Variants in NUP210 observed in about 807,000 individuals in gnomAD.
The protein encoded by NUP210 is nuclear pore membrane glycoprotein 210.
A neutral mutation model predicts 196.0 loss-of-function variants in NUP210; 151 were observed. The ratio of observed to expected loss-of-function variants is 0.77; its 90% confidence interval spans 0.67 to 0.88. The LOEUF is 0.88. Among genes scored for constraint, NUP210 ranks in the 40% least tolerant of loss-of-function variants. The probability of loss-of-function intolerance (pLI) is 0.00; values close to 1 mark genes in which losing one functional copy is unlikely to be tolerated. For synonymous variants in NUP210, 1,070 were observed against 1,052.7 expected (o/e 1.02, Z -0.32); for missense variants, 2,314 against 2,493.7 (o/e 0.93, Z 1.53).
In NUP210 at chr3:13,317,571, G is replaced by A. The variant is rs1042425744; in HGVS notation, c.*110C>T. 3.7e-5 allele frequency: 30 copies of A among 806,216 alleles called. No individual in the cohort carries two copies. The highest frequency in any genetic ancestry group is 3.5e-4 in the South Asian group (24 of 67,824). The allele number at this position is 806,216 out of a possible 1,614,324, so 49.9% of individuals were successfully genotyped here. A position where few individuals can be genotyped will look rare whatever the true frequency, so the allele number is the denominator to read the frequency against. On this transcript the variant is annotated 3_prime_UTR_variant, in exon 40 of 40. Coordinates refer to ENST00000254508, the MANE Select transcript of NUP210 (RefSeq NM_024923.4). ...ACGGCAGTGAAGCTGGCCTGGGGCC[G>A]GGGCACTCATCTGGAGGGGCTTGTT...
At chr3:13,318,431 C>A (rs1559301231) in intron 39 of NUP210, among the ~76,000 whole-genome samples, 1 of 152,162 alleles carries the variant, frequency 6.6e-6, no homozygotes, top group African/African-American at 2.4e-5. Flanking sequence ...AATTCAGGGA[C>A]CCCCCTGAAG....
intron 6 of NUP210, among the ~76,000 whole-genome samples, chr3:13,385,488 T>A (rs1699242614): frequency 6.6e-6 from 1 of 152,220 alleles, no homozygotes; most frequent in Non-Finnish European, 1.5e-5. Flanking sequence ...AAGTACACAG[T>A]ACAACTACAC....
chr3:13,340,149 C>T lies in NUP210; in HGVS notation c.3291+87G>A, dbSNP rs1697406388. On this transcript the variant is annotated intron_variant, in intron 24 of 39. Coordinates refer to ENST00000254508, the MANE Select transcript of NUP210 (RefSeq NM_024923.4). This position sits in a 1 kb window ranked among gnomAD's most constrained non-coding sequence, Gnocchi z 4.0. ...AGCTTCTGCCTTCTTCTCCCAGTCA[C>T]TGCACGCAGGGCCAGAGGCGGCGTG... 1 of 1,605,260 alleles carries T rather than the reference C, an allele frequency of 6.2e-7. No individual in the cohort carries two copies. The highest frequency in any genetic ancestry group is 1.3e-5 in the African/African-American group (1 of 74,788).
In NUP210 at chr3:13,330,633, C is replaced by T. The variant is rs1189607418; in HGVS notation, c.3937G>A (p.Asp1313Asn). ...CGGTAGCTCAGAGAGGCTGCACCAT[C>T]CCTTTGGAAAACAAAACAGAGCTGT... is the stretch of plus-strand genomic sequence containing the variant. ...NSYIKLQTNRDGAASLSYRVL... is the reference protein window; with the variant it reads ...NSYIKLQTNRNGAASLSYRVL... Residue 1313 changes from aspartate (D) to asparagine (N), a missense_variant and splice_region_variant, in exon 30 of 40, where the codon GAT (aspartate) becomes AAT (asparagine). Physicochemically the swap from Asp to Asn is conservative, Grantham distance 23. Coordinates refer to ENST00000254508, the MANE Select transcript of NUP210 (RefSeq NM_024923.4). 4 of 1,613,416 alleles carry T rather than the reference C, an allele frequency of 2.5e-6. No individual in the cohort carries two copies. The highest frequency in any genetic ancestry group is 3.4e-6 in the Non-Finnish European group (4 of 1,179,708).
At chr3:13,384,895 C>G (rs985436032) in intron 6 of NUP210, among the ~76,000 whole-genome samples, 1 of 152,168 alleles carries the variant, frequency 6.6e-6, no homozygotes, top group Admixed American at 6.5e-5. Context: ...GAATCTGCCT[C>G]CCTGAAGTCA....
chr3:13,345,409 C>T (rs80217734), intron 20 of NUP210, among the ~76,000 whole-genome samples: 1,837 of 152,324 alleles, frequency 0.012, 38 homozygotes, highest in African/African-American at 0.042. Context: ...GCTCCTCCTC[C>T]GACTCTCCAC....
intron 14 of NUP210, among the ~76,000 whole-genome samples, chr3:13,363,097 G>A (rs1009782440): frequency 6.6e-6 from 1 of 152,194 alleles, no homozygotes; most frequent in African/African-American, 2.4e-5. Context: ...CTACCTCGCG[G>A]TGCTACTGTT....
Position 13,354,052 on chromosome 3 carries a change from T to C in NUP210, c.2384A>G (p.Glu795Gly), listed in dbSNP as rs551905134. 4 of 1,605,118 alleles carry C rather than the reference T, an allele frequency of 2.5e-6. No individual in the cohort carries two copies. In the South Asian group the frequency reaches 4.5e-5, roughly 18 times the overall value. ...GCTGAAGTTGTCGAACCGGCGGCCC[T>C]CCTGGTCGTAAGCAGCCAGGTCCAG... is the stretch of plus-strand genomic sequence containing the variant. ...PRLDLAAYDQ[E>G]GRRFDNFSSL... Residue 795 changes from glutamate (E) to glycine (G), a missense_variant, in exon 17 of 40, where the codon GAG (glutamate) becomes GGG (glycine). By Grantham distance (98) the Glu-to-Gly change is moderately conservative. Transcript: ENST00000254508.
intron 36 of NUP210, among the ~76,000 whole-genome samples, chr3:13,320,976 G>A (rs944963073): frequency 3.3e-5 from 5 of 151,680 alleles, no homozygotes; most frequent in South Asian, 2.1e-4. Flanking sequence ...TGCTCACGCC[G>A]CCAGCGGGCT....
chr3:13,335,393 A>G (rs1227495554), intron 28 of NUP210, 61 bp downstream of exon 28: 1 of 1,568,674 alleles, frequency 6.4e-7, no homozygotes, highest in Non-Finnish European at 8.7e-7. Flanking sequence ...GCCCCGAAGG[A>G]AGATTGGGCA....
Position 13,327,248 on chromosome 3 carries a change from G to A in NUP210, c.4476C>T (p.Leu1492=), listed in dbSNP as rs751339873. The A allele has an allele frequency of 1.9e-6, 3 of 1,613,370 alleles. No homozygotes were observed. Among genetic ancestry groups the A allele is most frequent in the Non-Finnish European group, 2.5e-6 (3 of 1,180,016 alleles). The change falls in exon 32 of 40, where the codon CTC becomes CTT. Residue 1492 remains leucine (L), a synonymous_variant. Transcript: ENST00000254508. Reference sequence around the variant, plus strand: ...GGCTGGTCAGAACAGTGGCCAGACAGAGCACGTCCCCCACCACCATGGCCC... The same window carrying A: ...GGCTGGTCAGAACAGTGGCCAGACAAAGCACGTCCCCCACCACCATGGCCC... The part of the protein sequence containing the change: ...LSGAMVVGDV[L]CLATVLTSLE...
At chr3:13,378,587 C>T (rs754976666) in intron 8 of NUP210, among the ~76,000 whole-genome samples, 45 of 152,218 alleles carry the variant, frequency 3.0e-4, no homozygotes, top group Non-Finnish European at 5.6e-4. Flanking sequence ...ACACTGGGCC[C>T]CAACCTCTAA....
At chr3:13,322,107 G>A (rs960555954) in intron 35 of NUP210, 86 bp downstream of exon 35, 20 of 1,497,666 alleles carry the variant, frequency 1.3e-5, no homozygotes, top group Middle Eastern at 1.7e-4. Context: ...GACGGCCATG[G>A]TGAGCTGGGC....
Position 13,328,799 on chromosome 3 carries a change from T to A in NUP210, c.4258A>T (p.Ser1420Cys). The A allele has an allele frequency of 6.2e-7, 1 of 1,614,136 alleles. No homozygotes were observed. Among genetic ancestry groups the A allele is most frequent in the South Asian group, 1.1e-5 (1 of 91,082 alleles). The change falls in exon 31 of 40, where the codon AGT becomes TGT. Residue 1420 changes from serine to cysteine, a missense_variant. Physicochemically the swap from Ser to Cys is moderately radical, Grantham distance 112 (BLOSUM62 -1). Transcript: ENST00000254508. ...TTAGTGGCAAAGTTGAGGACCGAAC[T>A]GTGAGCATGGAAGACATCTCCAGAG... ...DNSGDVFHAH[S>C]SVLNFATNRD...
At chr3:13,372,539 C>T (rs145228033) in intron 12 of NUP210, among the ~76,000 whole-genome samples, 1,901 of 152,284 alleles carry the variant, frequency 0.012, 22 homozygotes, top group Middle Eastern at 0.054. Context: ...GAGAGAGATG[C>T]GACAGCTTGA....
intron 2 of NUP210, 66 bp from the exon 3 acceptor site, chr3:13,397,554 C>G: frequency 6.7e-7 from 1 of 1,488,816 alleles, no homozygotes. Flanking sequence ...ACTTCCAAGC[C>G]TTGCAGGCTT....
At chr3:13,384,025 C>T (rs1306031608) in intron 6 of NUP210, among the ~76,000 whole-genome samples, 3 of 152,162 alleles carry the variant, frequency 2.0e-5, no homozygotes, top group Non-Finnish European at 4.4e-5. Context: ...TGCAATGGCG[C>T]AATCTCGGCT....
intron 1 of NUP210, among the ~76,000 whole-genome samples, chr3:13,411,158 G>A (rs1377919615): frequency 2.6e-5 from 4 of 152,114 alleles, no homozygotes; most frequent in Non-Finnish European, 4.4e-5. Flanking sequence ...CTTGAGCCCA[G>A]GAGTTTGAGG....
chr3:13,344,374 C>T (rs954084826), intron 20 of NUP210, among the ~76,000 whole-genome samples: 1 of 152,214 alleles, frequency 6.6e-6, no homozygotes, highest in Non-Finnish European at 1.5e-5. Flanking sequence ...TAGGGACAGG[C>T]CATGAGGCGA....
Sources: gnomAD v4.1 joint callset for allele counts (sites outside exome capture counted in the v4.1 genomes callset) on GRCh38, gnomAD v4.1.1 for gene constraint, Gnocchi (gnomAD v3.1) non-coding constraint, MANE v1.5 for transcripts, NCBI Gene and HGNC (gene_info 2026-07-23, HGNC 2026-07-21) for gene names.